ATP13A1: variants seen among roughly 807,000 people sequenced by gnomAD.
The protein encoded by ATP13A1 is endoplasmic reticulum transmembrane helix translocase.
Under a neutral mutation model 134.8 loss-of-function variants are expected in ATP13A1, and 55 were observed. The ratio of observed to expected loss-of-function variants is 0.41; its 90% CI spans 0.33 to 0.51. The LOEUF is 0.51. Ranked by LOEUF, ATP13A1 falls within the 20% of genes least tolerant of loss-of-function variation. ATP13A1 has a pLI of 0.29. For missense variants in ATP13A1, 1,389 were observed against 1,652.8 expected (o/e 0.84, Z 2.77); for synonymous variants, 775 against 725.1 (o/e 1.07, Z -1.10).
chr19:19,654,459 TG>T, intron 13 of ATP13A1, 83 bp downstream of exon 13: 1 of 1,456,372 alleles, frequency 6.9e-7, no homozygotes, highest in Admixed American at 2.3e-5. Context: ...GTCCCCAAGA[TG>T]CTCTGAGGGG....
rs1243533543 is a variant in ATP13A1, at chr19:19,645,544, G to C, written c.3505-12C>G. ...ATGACCAGCTTGAACTGTCGGGGCA[G>C]GGAGGGATGGTGAGCTGGAGACCTG... On this transcript the variant is annotated splice_polypyrimidine_tract_variant and intron_variant, in intron 25 of 25. Transcript: ENST00000357324. The surrounding 1 kb of genome is among the most constrained non-coding windows in gnomAD (Gnocchi z 4.1). The C allele has an allele frequency of 6.3e-7, 1 of 1,584,634 alleles. No individual in the cohort carries two copies. The highest frequency in any genetic ancestry group is 1.3e-5 in the African/African-American group (1 of 74,348).
rs1398523796 is a variant in ATP13A1, at chr19:19,651,810, G to T, written c.2227-13C>A. 6.2e-7 allele frequency: 1 copy of T among 1,605,352 alleles called. No individual in the cohort carries two copies. The highest frequency in any genetic ancestry group is 1.3e-5 in the African/African-American group (1 of 74,596). On this transcript the variant is annotated splice_polypyrimidine_tract_variant and intron_variant, in intron 16 of 25. Coordinates refer to ENST00000357324, the MANE Select transcript of ATP13A1 (RefSeq NM_020410.3). ...TGATCATGACCACCTTGGGTAAAGA[G>T]GGGCAGAGGCTCAGCATGGCACCCT...
At chr19:19,649,702 CT>C (rs1189378048) in intron 18 of ATP13A1, 38 bp downstream of exon 18, 11 of 1,613,398 alleles carry the variant, frequency 6.8e-6, no homozygotes, top group Non-Finnish European at 9.3e-6. Context: ...GGCTGCGTGC[CT>C]ACCGCTGTGC....
In ATP13A1 at chr19:19,651,783, C is replaced by T. The variant is rs764329084; in HGVS notation, c.2241G>A (p.Thr747=). 7.4e-6 allele frequency: 12 copies of T among 1,612,408 alleles called. No individual in the cohort carries two copies. The highest frequency in any genetic ancestry group is 1.3e-5 in the African/African-American group (1 of 74,816). ...GGCATGCAGTGAGCGGGTTGTCTCC[C>T]GTGATCATGACCACCTTGGGTAAAG... ...QNASHRVVMI[T]GDNPLTACHV... The change falls in exon 17 of 26, where the codon ACG becomes ACA. Residue 747 remains threonine, a synonymous_variant. Transcript: ENST00000357324.
chr19:19,646,288 G>A lies in ATP13A1; in HGVS notation c.3165C>T (p.Ile1055=), dbSNP rs1428191439. ...PLPNIFNLYT[I]LTVMLQFFVH... Reference sequence around the variant, plus strand: ...CAAAGAACTGGAGCATGACGGTGAGGATGGTGTACAGGTTGAAGATGTTGG... The same window carrying A: ...CAAAGAACTGGAGCATGACGGTGAGAATGGTGTACAGGTTGAAGATGTTGG... The change falls in exon 23 of 26, where the codon ATC becomes ATT. Residue 1055 remains isoleucine (I), a synonymous_variant. Coordinates refer to ENST00000357324, the MANE Select transcript of ATP13A1 (RefSeq NM_020410.3). 3 of 1,613,848 alleles carry A rather than the reference G, an allele frequency of 1.9e-6. No homozygotes were observed. In the African/African-American group the frequency reaches 4.0e-5, roughly 22 times the overall value.
chr19:19,649,164 T>C (rs143117553), intron 19 of ATP13A1, among the ~76,000 whole-genome samples: 2,120 of 149,888 alleles, frequency 0.014, 54 homozygotes, highest in African/African-American at 0.048. Context: ...TAGGTTAGAG[T>C]GGATCACACC....
chr19:19,662,025 C>CA (rs1295089818), intron 1 of ATP13A1: 6 of 1,554,284 alleles, frequency 3.9e-6, no homozygotes, highest in Admixed American at 3.9e-5. Flanking sequence ...AACTGAAACT[C>CA]AGAGAGCAGA....
At position 19,663,449 on chromosome 19, in the gene ATP13A1, A is replaced by G. The variant is rs1227411040; in HGVS notation, c.218T>C (p.Leu73Pro). The G allele has an allele frequency of 1.0e-5, 16 of 1,554,486 alleles. No homozygotes were observed. The change falls in exon 1 of 26, where the codon CTG (leucine) becomes CCG (proline). Residue 73 changes from leucine (L) to proline (P), a missense_variant. Coordinates refer to ENST00000357324, the MANE Select transcript of ATP13A1 (RefSeq NM_020410.3). ...GGCACCCAACCAGGCCGGGTAAAGC[A>G]GCCCGGCGAATGGCAGCACCGTGAG... ...RRLTVLPFAG[L>P]LYPAWLGAAA...
intron 1 of ATP13A1, 158 bp downstream of exon 1, chr19:19,663,113 T>G: frequency 9.2e-7 from 1 of 1,089,798 alleles, no homozygotes; most frequent in Non-Finnish European, 1.4e-6. Context: ...AGTGGGGTCA[T>G]GATTAAGCCT....
intron 3 of ATP13A1, among the ~76,000 whole-genome samples, 159 bp from the exon 4 acceptor site, chr19:19,657,567 T>A (rs1293574752): frequency 6.6e-6 from 1 of 152,126 alleles, no homozygotes; most frequent in Non-Finnish European, 1.5e-5. Flanking sequence ...GATAGGAGGA[T>A]CCATTTGGCA....
intron 17 of ATP13A1, 60 bp downstream of exon 17, chr19:19,651,629 G>A: frequency 7.3e-7 from 1 of 1,372,152 alleles, no homozygotes; most frequent in Non-Finnish European, 1.0e-6. Context: ...CTGTTGCGAT[G>A]GGAGCTGTTC....
Position 19,653,402 on chromosome 19 carries a change from C to T in ATP13A1, c.2100+382G>A, listed in dbSNP as rs1025350736. 1.8e-5 allele frequency: 5 copies of T among 280,720 alleles called. No homozygotes were observed. Among genetic ancestry groups the T allele is most frequent in the African/African-American group, 8.8e-5 (4 of 45,204 alleles). The allele number at this position is 280,720 out of a possible 1,614,324, so 17.4% of individuals were successfully genotyped here. A position where few individuals can be genotyped will look rare whatever the true frequency, so the allele number is the denominator to read the frequency against. ...AGCTGTAGGGTGCAAGCAGAAAGAA[C>T]GAGAGCCCAGGAAGAAGCCAAGCGG... is the stretch of plus-strand genomic sequence containing the variant. On this transcript the variant is annotated intron_variant, in intron 15 of 25. Coordinates refer to ENST00000357324, the MANE Select transcript of ATP13A1 (RefSeq NM_020410.3). This position sits in a 1 kb window ranked among gnomAD's most constrained non-coding sequence, Gnocchi z 4.2.
chr19:19,654,990 G>T, intron 12 of ATP13A1, 129 bp downstream of exon 12: 1 of 1,417,522 alleles, frequency 7.1e-7, no homozygotes, highest in Non-Finnish European at 9.4e-7. Context: ...GGAGCCCCTG[G>T]AAATGAACCC....
Position 19,652,613 on chromosome 19 carries a change from G to A in ATP13A1, c.2208C>T (p.Ile736=). ...KADSKAVIRE[I]QNASHRVVMI... is the part of the protein sequence containing the mutation. ...CCCATACCCGGTGGGACGCATTCTG[G>A]ATCTCCCGGATCACGGCCTTGGAGT... Residue 736 remains isoleucine, a synonymous_variant, in exon 16 of 26, where the codon ATC becomes ATT. Coordinates refer to ENST00000357324, the MANE Select transcript of ATP13A1 (RefSeq NM_020410.3). 1 of 1,608,374 alleles carries A rather than the reference G, an allele frequency of 6.2e-7. No homozygotes were observed. The highest frequency in any genetic ancestry group is 8.5e-7 in the Non-Finnish European group (1 of 1,177,794).
rs758768424 is a variant in ATP13A1 at position 19,645,834 on chromosome 19, T to C, written c.3360+40A>G. 2.5e-6 allele frequency: 1 copy of C among 399,500 alleles called. No individual in the cohort carries two copies. Among genetic ancestry groups the C allele is most frequent in the Admixed American group, 2.8e-5 (1 of 35,340 alleles). The allele number at this position is 399,500 out of a possible 1,614,324, so 24.7% of individuals were successfully genotyped here. A position where few individuals can be genotyped will look rare whatever the true frequency, so the allele number is the denominator to read the frequency against. ...GATGGCTTCATGGGGTGGGGCTGGG[T>C]GGGCAGACAGTGAATGTTTGGGCAG... On this transcript the variant is annotated intron_variant, in intron 24 of 25. Transcript: ENST00000357324. This position sits in a 1 kb window ranked among gnomAD's most constrained non-coding sequence, Gnocchi z 4.1.
At chr19:19,651,885 T>A (rs896680865) in intron 16 of ATP13A1, 88 bp from the exon 17 acceptor site, 19 of 1,040,464 alleles carry the variant, frequency 1.8e-5, no homozygotes, top group Middle Eastern at 2.2e-4. Context: ...CCTTCTAAGG[T>A]AGGCCACAGT....
At position 19,656,994 on chromosome 19, in the gene ATP13A1, C is replaced by A; in HGVS notation, c.906G>T (p.Gln302His). The A allele has an allele frequency of 6.3e-7, 1 of 1,598,320 alleles. No individual in the cohort carries two copies. The highest frequency in any genetic ancestry group is 8.5e-7 in the Non-Finnish European group (1 of 1,171,962). Residue 302 changes from glutamine (Q) to histidine (H), a missense_variant and splice_region_variant, in exon 5 of 26, where the codon CAG becomes CAT. Physicochemically the swap from Gln to His is conservative, Grantham distance 24. Coordinates refer to ENST00000357324, the MANE Select transcript of ATP13A1 (RefSeq NM_020410.3). The surrounding 1 kb of genome is among the most constrained non-coding windows in gnomAD (Gnocchi z 4.6). The part of the protein sequence containing the change: ...RKMGNKPHMI[Q>H]VYRSRKWRPI... ...ACCTGGGTCTCCCTGGCAGCCACAC[C>A]TGGATCATGTGGGGCTTGTTGCCCA...
At chr19:19,648,278 C>A (rs1400589847) in intron 19 of ATP13A1, among the ~76,000 whole-genome samples, 1 of 151,782 alleles carries the variant, frequency 6.6e-6, no homozygotes, top group African/African-American at 2.4e-5. Context: ...GAGATCACAC[C>A]ACCGCACTCC....
In ATP13A1 at chr19:19,663,661, C is replaced by T; in HGVS notation, c.6G>A (p.Ala2=). Residue 2 remains alanine (A), a synonymous_variant, in exon 1 of 26, where the codon GCG becomes GCA. Coordinates refer to ENST00000357324, the MANE Select transcript of ATP13A1 (RefSeq NM_020410.3). Reference sequence around the variant, plus strand: ...CCGCGTTGCCCACCGCCGCCGCTGCCGCCATCTTTCCTAGCGCCGCGCTCA... The same window carrying T: ...CCGCGTTGCCCACCGCCGCCGCTGCTGCCATCTTTCCTAGCGCCGCGCTCA... M[A]AAAAVGNAVP... is the part of the protein sequence containing the mutation. The T allele has an allele frequency of 7.8e-7, 1 of 1,285,930 alleles. No individual in the cohort carries two copies. 79.7% of individuals were successfully genotyped at this position (1,285,930 alleles called of 1,614,324 possible). A position where few individuals can be genotyped will look rare whatever the true frequency, so the allele number is the denominator to read the frequency against.
Sources: allele counts gnomAD v4.1 joint callset (sites outside exome capture counted in the v4.1 genomes callset), GRCh38; gene constraint gnomAD v4.1.1; non-coding constraint Gnocchi (gnomAD v3.1); transcripts MANE v1.5; gene names NCBI Gene and HGNC (gene_info 2026-07-23, HGNC 2026-07-21).